MROH2A: variants seen among roughly 807,000 people sequenced by gnomAD.
MROH2A encodes maestro heat-like repeat-containing protein family member 2A.
Under a neutral mutation model 200.4 loss-of-function variants are expected in MROH2A, and 174 were observed. The observed-to-expected ratio is 0.87, with a 90% CI of 0.77 to 0.98. MROH2A has a LOEUF of 0.98. Ranked by LOEUF, MROH2A falls within the 50% of genes least tolerant of loss-of-function variation. The pLI, the probability that MROH2A is intolerant of heterozygous loss-of-function variation, is 0.00. For synonymous variants in MROH2A, 829 were observed against 840.4 expected, an observed-to-expected ratio of 0.99 and a Z score of 0.23; for missense variants, 2,045 against 2,139.6, an observed-to-expected ratio of 0.96 and a Z score of 0.87.
At chr2:233,781,133 A>G (rs1285776017) in intron 3 of MROH2A, among the ~76,000 whole-genome samples, 1 of 152,194 alleles carries the variant, frequency 6.6e-6, no homozygotes. Context: ...ATCCCTTCAT[A>G]CATTGATGGG....
Position 233,787,914 on chromosome 2 carries a change from A to ATACATACATATATAT in MROH2A, c.277-1581_277-1580insCATACATATATATTA, listed in dbSNP as rs1701401918. Among the ~76,000 whole-genome samples, 4 of 1,282 alleles carry ATACATACATATATAT rather than the reference A, an allele frequency of 3.1e-3. 2 individuals are homozygous for ATACATACATATATAT. The highest frequency in any genetic ancestry group is 6.3e-3 in the Non-Finnish European group (4 of 638). 0.8% of individuals were successfully genotyped at this position (1,282 alleles called of 152,430 possible). ...TATATATTATATATACATATATATT[A>ATACATACATATATAT]TATATATACATATATATTATATATA... On this transcript the variant is annotated intron_variant, in intron 3 of 41. Coordinates refer to ENST00000389758, the MANE Select transcript of MROH2A (RefSeq NM_001394639.1).
rs1308609581 is a variant in MROH2A at position 233,832,777 on chromosome 2, G to C, written c.4903+133G>C. On this transcript the variant is annotated intron_variant, in intron 41 of 41. Coordinates refer to ENST00000389758, the MANE Select transcript of MROH2A (RefSeq NM_001394639.1). ...TTTCGGGGGGGTGGGAGTGCAACCAGGGCAGAGAGATGCACCTGGGGAGGC... is the reference window on the plus strand; with the variant it reads ...TTTCGGGGGGGTGGGAGTGCAACCACGGCAGAGAGATGCACCTGGGGAGGC... The C allele has an allele frequency of 7.4e-6, 5 of 672,594 alleles. No individual in the cohort carries two copies. In the African/African-American group the frequency reaches 9.0e-5, roughly 12 times the overall value. The allele number at this position is 672,594 out of a possible 1,614,324, so 41.7% of individuals were successfully genotyped here.
At position 233,809,197 on chromosome 2, in the gene MROH2A, C is replaced by T; in HGVS notation, c.2367C>T (p.Tyr789=). ...TGATGTATAGCTGCGTGGCCTCCTACTGCCACCCCCAGTTGCTCCTCAACC... is the reference window on the plus strand; with the variant it reads ...TGATGTATAGCTGCGTGGCCTCCTATTGCCACCCCCAGTTGCTCCTCAACC... ...LMVMYSCVAS[Y]CHPQLLLNLV... is the part of the protein sequence containing the mutation. Residue 789 remains tyrosine (Y), a synonymous_variant, in exon 22 of 42, where the codon TAC becomes TAT. Transcript: ENST00000389758. 1.9e-6 allele frequency: 3 copies of T among 1,550,582 alleles called. No homozygotes were observed. Among genetic ancestry groups the T allele is most frequent in the Non-Finnish European group, 2.6e-6 (3 of 1,146,982 alleles).
chr2:233,784,710 G>C (rs1478569265), intron 3 of MROH2A, among the ~76,000 whole-genome samples: 2 of 152,152 alleles, frequency 1.3e-5, no homozygotes, highest in Non-Finnish European at 2.9e-5. Context: ...TTCCACCATG[G>C]GTAGGCCTTA....
chr2:233,818,538 C>CTG, intron 28 of MROH2A, 114 bp from the exon 29 acceptor site: 1 of 739,550 alleles, frequency 1.4e-6, no homozygotes, highest in Non-Finnish European at 2.4e-6. Context: ...CTGGGACGTT[C>CTG]ACATGCTGGA....
intron 2 of MROH2A, 80 bp downstream of exon 2, chr2:233,779,532 C>A: frequency 7.1e-7 from 1 of 1,405,058 alleles, no homozygotes; most frequent in Non-Finnish European, 9.8e-7. Context: ...GCCTAGGTCT[C>A]CCTTTCTCCA....
At chr2:233,794,597 G>A (rs1559447871) in intron 8 of MROH2A, 91 bp downstream of exon 8, 4 of 689,624 alleles carry the variant, frequency 5.8e-6, no homozygotes, top group East Asian at 5.5e-5. Context: ...GAGCCGGGGG[G>A]ATGTCAGATA....
intron 29 of MROH2A, 107 bp downstream of exon 29, chr2:233,818,877 G>C (rs2124844088): frequency 1.5e-6 from 1 of 685,388 alleles, no homozygotes; most frequent in Middle Eastern, 3.9e-4. Context: ...CAAGTTTTCT[G>C]GGGTCTCAGC....
Position 233,828,502 on chromosome 2 carries a change from G to A in MROH2A, c.4114-128G>A. ...CCGCTTTTTATAGAGAGGAAACGGA[G>A]GCTCTCAGAGCCCCTCCCCTCCTGT... On this transcript the variant is annotated intron_variant, in intron 35 of 41. Coordinates refer to ENST00000389758, the MANE Select transcript of MROH2A (RefSeq NM_001394639.1). The surrounding 1 kb of genome is among the most constrained non-coding windows in gnomAD (Gnocchi z 4.6). 1.7e-6 allele frequency: 2 copies of A among 1,161,928 alleles called. No homozygotes were observed. The highest frequency in any genetic ancestry group is 2.4e-6 in the Non-Finnish European group (2 of 836,162). 72.0% of individuals were successfully genotyped at this position (1,161,928 alleles called of 1,614,324 possible). A position where few individuals can be genotyped will look rare whatever the true frequency, so the allele number is the denominator to read the frequency against.
intron 15 of MROH2A, among the ~76,000 whole-genome samples, chr2:233,802,936 C>T (rs1381899892): frequency 6.6e-6 from 1 of 152,214 alleles, no homozygotes; most frequent in Non-Finnish European, 1.5e-5. Flanking sequence ...TCCTCATGCC[C>T]CTCTCACTCT....
chr2:233,789,047 G>C (rs1487158187), intron 3 of MROH2A, among the ~76,000 whole-genome samples: 1 of 147,818 alleles, frequency 6.8e-6, no homozygotes, highest in African/African-American at 2.5e-5. Context: ...CAATCTATCT[G>C]CCCAATCCCA....
chr2:233,806,097 A>T (rs1575963771), intron 19 of MROH2A, among the ~76,000 whole-genome samples: 1 of 152,214 alleles, frequency 6.6e-6, no homozygotes. Flanking sequence ...GCTAAAAATA[A>T]TACAATAGAG....
chr2:233,789,060 C>G (rs1307513976), intron 3 of MROH2A, among the ~76,000 whole-genome samples: 1 of 150,578 alleles, frequency 6.6e-6, no homozygotes, highest in Non-Finnish European at 1.5e-5. Context: ...CAATCCCATC[C>G]TAAACCAGGT....
At chr2:233,829,802 C>G in intron 38 of MROH2A, 27 bp downstream of exon 38, 2 of 1,296,794 alleles carry the variant, frequency 1.5e-6, no homozygotes, top group Non-Finnish European at 2.0e-6. Context: ...GCTTTGTGTC[C>G]CAGTCTGGGG....
At chr2:233,793,176 A>G (rs6755193) in intron 6 of MROH2A, among the ~76,000 whole-genome samples, 41,723 of 152,162 alleles carry the variant, frequency 0.27, 6,828 homozygotes, top group Middle Eastern at 0.45. Flanking sequence ...ACTTCAGTTC[A>G]TGAGACCACA....
intron 38 of MROH2A, among the ~76,000 whole-genome samples, chr2:233,831,065 G>A (rs1320459842): frequency 6.6e-6 from 1 of 152,204 alleles, no homozygotes; most frequent in Non-Finnish European, 1.5e-5. Context: ...GGGCCTGGGA[G>A]GTGAGGACAC....
chr2:233,803,262 A>G (rs748290142), intron 15 of MROH2A, among the ~76,000 whole-genome samples, 186 bp from the exon 16 acceptor site: 9 of 152,192 alleles, frequency 5.9e-5, no homozygotes, highest in Admixed American at 2.0e-4. Flanking sequence ...TCTTCCCAGG[A>G]TAAGTGAAAT....
At chr2:233,797,634 T>C (rs1702202338) in intron 11 of MROH2A, among the ~76,000 whole-genome samples, 1 of 152,222 alleles carries the variant, frequency 6.6e-6, no homozygotes. Context: ...CAAAATCTAT[T>C]AAAAAGTGGT....
intron 14 of MROH2A, 45 bp from the exon 15 acceptor site, chr2:233,802,123 G>A (rs1402723042): frequency 6.6e-7 from 1 of 1,518,984 alleles, no homozygotes; most frequent in Admixed American, 2.0e-5. Flanking sequence ...GAAGCCCAGG[G>A]CTTGGGCTAA....
Sources: gnomAD v4.1 joint callset for allele counts (sites outside exome capture counted in the v4.1 genomes callset) on GRCh38, gnomAD v4.1.1 for gene constraint, Gnocchi (gnomAD v3.1) non-coding constraint, MANE v1.5 for transcripts, NCBI Gene and HGNC (gene_info 2026-07-23, HGNC 2026-07-21) for gene names.